PDE3B: variants seen among roughly 807,000 people sequenced by gnomAD.
PDE3B encodes cGMP-inhibited 3',5'-cyclic phosphodiesterase 3B.
In PDE3B, 66 loss-of-function variants were observed where a neutral mutation model predicts 116.8. The ratio of observed to expected loss-of-function variants is 0.56; its 90% CI spans 0.46 to 0.69. The LOEUF (loss-of-function observed/expected upper bound fraction) is 0.69. Among genes scored for constraint, PDE3B ranks in the 30% least tolerant of loss-of-function variants. The probability of loss-of-function intolerance (pLI) is 0.00; values close to 1 mark genes in which losing one functional copy is unlikely to be tolerated. For synonymous variants in PDE3B, 595 were observed against 533.6 expected (o/e 1.12, Z -1.59); for missense variants, 1,384 against 1,368.1 (o/e 1.01, Z -0.18).
intron 1 of PDE3B, among the ~76,000 whole-genome samples, chr11:14,660,333 G>A (rs554879029): frequency 4.2e-5 from 6 of 144,244 alleles, no homozygotes; most frequent in South Asian, 2.2e-4. Flanking sequence ...GTGGGGTCTC[G>A]CCCTGTTGCC....
At position 14,643,827 on chromosome 11, in the gene PDE3B, A is replaced by C; in HGVS notation, c.-249A>C. On this transcript the variant is annotated 5_prime_UTR_variant, in exon 1 of 16. Transcript: ENST00000282096. ...CCAGTCCCGAGAGGTGCCCGAGGGAAAAGGAGGCGGCAGCTAAACTGGTCC... is the reference window on the plus strand; with the variant it reads ...CCAGTCCCGAGAGGTGCCCGAGGGACAAGGAGGCGGCAGCTAAACTGGTCC... The C allele has an allele frequency of 2.2e-6, 1 of 447,218 alleles. No homozygotes were observed. The highest frequency in any genetic ancestry group is 3.8e-6 in the Non-Finnish European group (1 of 260,952). The allele number at this position is 447,218 out of a possible 1,614,324, so 27.7% of individuals were successfully genotyped here. A position where few individuals can be genotyped will look rare whatever the true frequency, so the allele number is the denominator to read the frequency against.
intron 12 of PDE3B, among the ~76,000 whole-genome samples, chr11:14,846,925 G>C (rs2133977512): frequency 6.6e-6 from 1 of 152,302 alleles, no homozygotes; most frequent in African/African-American, 2.4e-5. Flanking sequence ...ACATTAGACA[G>C]ATCAATGAGA....
the PDE3B span, among the ~76,000 whole-genome samples, chr11:14,883,737 G>A: frequency 6.6e-6 from 1 of 152,024 alleles, no homozygotes; most frequent in African/African-American, 2.4e-5. Flanking sequence ...TACCATCAGA[G>A]TGAACAGGCA....
intron 7 of PDE3B, among the ~76,000 whole-genome samples, chr11:14,821,623 C>T (rs1056992091): frequency 6.7e-6 from 1 of 148,404 alleles, no homozygotes; most frequent in African/African-American, 2.5e-5. Context: ...CTCGAATAGT[C>T]TAAATTTAAT....
At chr11:14,660,467 A>AT (rs534665595) in intron 1 of PDE3B, among the ~76,000 whole-genome samples, 57 of 145,562 alleles carry the variant, frequency 3.9e-4, no homozygotes, top group South Asian at 8.7e-4. Flanking sequence ...ATTCCTGGCT[A>AT]TTTTTTTTTT....
intron 1 of PDE3B, among the ~76,000 whole-genome samples, chr11:14,720,756 C>T (rs1364595401): frequency 9.7e-5 from 1 of 10,330 alleles, no homozygotes; most frequent in African/African-American, 4.8e-4. Context: ...TTCCTTACAC[C>T]TTATACAAAA....
chr11:14,859,126 C>CA lies in PDE3B; in HGVS notation c.2606dup (p.Asn869LysfsTer7). On this transcript the variant is annotated frameshift_variant, in exon 13 of 16. Coordinates refer to ENST00000282096, the MANE Select transcript of PDE3B (RefSeq NM_000922.4). LOFTEE classifies it high-confidence loss of function. ...ATCTATATCTTTCTCGCCCAGAATACAACTTCCTTCTTCATCTTGATCATG... is the reference window on the plus strand; with the variant it reads ...ATCTATATCTTTCTCGCCCAGAATACAAACTTCCTTCTTCATCTTGATCATG... The CA allele has an allele frequency of 1.9e-6, 3 of 1,613,564 alleles. No homozygotes were observed. Among genetic ancestry groups the CA allele is most frequent in the Non-Finnish European group, 2.5e-6 (3 of 1,179,658 alleles).
intron 1 of PDE3B, among the ~76,000 whole-genome samples, chr11:14,667,177 C>T (rs1006854965): frequency 4.0e-5 from 6 of 151,184 alleles, no homozygotes; most frequent in African/African-American, 1.2e-4. Flanking sequence ...AGTAAACTAT[C>T]GCAAGGACAA....
chr11:14,701,706 G>T (rs904304855), intron 1 of PDE3B, among the ~76,000 whole-genome samples: 28 of 151,238 alleles, frequency 1.9e-4, no homozygotes, highest in Non-Finnish European at 4.4e-5. Context: ...TCTTGCTATA[G>T]TTATGTCATG....
rs138246904 is a variant in PDE3B, at chr11:14,770,186, C to G, written c.979-1751C>G. On this transcript the variant is annotated intron_variant, in intron 1 of 15. Coordinates refer to ENST00000282096, the MANE Select transcript of PDE3B (RefSeq NM_000922.4). ...CCAATTAGTTCATTGATGCCTATCT[C>G]ATAGGTGATTTTTAGTGATATATCG... Among the ~76,000 whole-genome samples the G allele has an allele frequency of 7.9e-5, 12 of 151,378 alleles. No individual in the cohort carries two copies. In the East Asian group the frequency reaches 2.3e-3, roughly 29 times the overall value.
intron 1 of PDE3B, among the ~76,000 whole-genome samples, chr11:14,670,944 T>A (rs1565084559): frequency 6.6e-6 from 1 of 151,886 alleles, no homozygotes; most frequent in Non-Finnish European, 1.5e-5. Context: ...CCTGGGTAGG[T>A]AATACTCTTG....
the PDE3B span, among the ~76,000 whole-genome samples, chr11:14,883,659 G>A: frequency 2.6e-5 from 4 of 152,180 alleles, no homozygotes; most frequent in East Asian, 7.7e-4. Flanking sequence ...AAAAGCAATG[G>A]CAACAAAAGA....
chr11:14,727,086 A>G (rs1321054409), intron 1 of PDE3B, among the ~76,000 whole-genome samples: 2 of 152,150 alleles, frequency 1.3e-5, no homozygotes, highest in East Asian at 3.8e-4. Flanking sequence ...CCTATCTACC[A>G]AAGTTCTCTT....
chr11:14,863,284 A>G (rs879947503), intron 14 of PDE3B, among the ~76,000 whole-genome samples: 19 of 152,144 alleles, frequency 1.2e-4, no homozygotes, highest in Admixed American at 5.2e-4. Flanking sequence ...TCTATCATTA[A>G]TGGGCATTTG....
At chr11:14,861,965 G>A (rs1396649479) in intron 14 of PDE3B, among the ~76,000 whole-genome samples, 4 of 152,170 alleles carry the variant, frequency 2.6e-5, no homozygotes, top group Non-Finnish European at 5.9e-5. Flanking sequence ...CATACACAGT[G>A]TGTTTACTGA....
At chr11:14,838,685 A>G (rs1247966073) in intron 11 of PDE3B, among the ~76,000 whole-genome samples, 1 of 152,234 alleles carries the variant, frequency 6.6e-6, no homozygotes, top group African/African-American at 2.4e-5. Context: ...TAGGGGAATA[A>G]GTATTAAGTC....
At chr11:14,729,121 A>G (rs1372388726) in intron 1 of PDE3B, among the ~76,000 whole-genome samples, 2 of 152,176 alleles carry the variant, frequency 1.3e-5, no homozygotes, top group Non-Finnish European at 2.9e-5. Context: ...GCAAGATCAA[A>G]TGTTTCCTGG....
chr11:14,762,468 C>G (rs1034065293), intron 1 of PDE3B, among the ~76,000 whole-genome samples: 1 of 152,214 alleles, frequency 6.6e-6, no homozygotes, highest in East Asian at 1.9e-4. Flanking sequence ...CTGGCCTGTT[C>G]AAGGAATAGT....
At chr11:14,760,741 A>T (rs572368178) in intron 1 of PDE3B, among the ~76,000 whole-genome samples, 65 of 152,326 alleles carry the variant, frequency 4.3e-4, no homozygotes, top group African/African-American at 1.5e-3. Flanking sequence ...CCACAAAAGT[A>T]ACCACTGTTC....
Sources: allele counts gnomAD v4.1 joint callset (sites outside exome capture counted in the v4.1 genomes callset), GRCh38; gene constraint gnomAD v4.1.1; transcripts MANE v1.5; gene names NCBI Gene and HGNC (gene_info 2026-07-23, HGNC 2026-07-21).